ESRRG: variants seen among roughly 807,000 people sequenced by gnomAD.
The protein encoded by ESRRG is estrogen related receptor gamma.
Under a neutral mutation model 44.0 loss-of-function variants are expected in ESRRG, and 13 were observed. The observed-to-expected ratio is 0.30, with a 90% confidence interval of 0.19 to 0.47. The LOEUF (loss-of-function observed/expected upper bound fraction) is 0.47, where lower values mean the gene tolerates loss of function less well. Ranked by LOEUF, ESRRG falls within the 20% of genes least tolerant of loss-of-function variation. The pLI, the probability that ESRRG is intolerant of heterozygous loss-of-function variation, is 1.00. For synonymous variants in ESRRG, 215 were observed against 214.6 expected, an observed-to-expected ratio of 1.00 and a Z score of -0.02; for missense variants, 395 against 580.6, an observed-to-expected ratio of 0.68 and a Z score of 3.29.
At chr1:217,036,841 G>GAAA (rs11387798) in intron 1 of ESRRG, among the ~76,000 whole-genome samples, 5 of 149,038 alleles carry the variant, frequency 3.4e-5, no homozygotes, top group South Asian at 2.1e-4. Context: ...AGAAAGAAAA[G>GAAA]AAAAAAAAAA....
At chr1:217,093,445 G>T (rs1368330439), upstream of ESRRG, among the ~76,000 whole-genome samples, 1 of 149,802 alleles carries the variant, frequency 6.7e-6, no homozygotes. Flanking sequence ...TAATTCCTGT[G>T]TAGAGTTAAA....
chr1:217,046,268 C>T (rs1189354241), intron 1 of ESRRG, among the ~76,000 whole-genome samples: 3 of 152,120 alleles, frequency 2.0e-5, no homozygotes, highest in Admixed American at 6.5e-5. Flanking sequence ...TTTTATATCC[C>T]TATAGCACCT....
intron 1 of ESRRG, among the ~76,000 whole-genome samples, chr1:217,135,175 C>T (rs1407613192): frequency 1.3e-5 from 2 of 152,200 alleles, no homozygotes; most frequent in African/African-American, 4.8e-5. Context: ...CTGGACGCAC[C>T]TCGTCCCCTC....
chr1:217,117,557 C>G (rs146650749), intron 1 of ESRRG, among the ~76,000 whole-genome samples: 1 of 151,962 alleles, frequency 6.6e-6, no homozygotes, highest in Non-Finnish European at 1.5e-5. Context: ...TGCATTCCAG[C>G]CTGGATGACA....
chr1:216,782,617 C>A (rs1285935057), intron 2 of ESRRG, among the ~76,000 whole-genome samples: 2 of 151,984 alleles, frequency 1.3e-5, no homozygotes, highest in Non-Finnish European at 2.9e-5. Context: ...TTAGAAAGAA[C>A]CTTTAATGAA....
intron 2 of ESRRG, among the ~76,000 whole-genome samples, chr1:216,836,358 A>G (rs1252967513): frequency 6.6e-6 from 1 of 152,256 alleles, no homozygotes; most frequent in Non-Finnish European, 1.5e-5. Flanking sequence ...TCAGGACAGG[A>G]AGAATAAGAG....
intron 1 of ESRRG, among the ~76,000 whole-genome samples, chr1:217,120,005 T>C (rs534757193): frequency 2.6e-5 from 4 of 152,238 alleles, no homozygotes; most frequent in Non-Finnish European, 5.9e-5. Context: ...AATAAGTAGA[T>C]GTTGCTCCAT....
chr1:217,097,506 A>G (rs2092440601), intron 1 of ESRRG, among the ~76,000 whole-genome samples: 1 of 152,230 alleles, frequency 6.6e-6, no homozygotes. Context: ...AGAAAATGAC[A>G]GCAGGAGAAG....
intron 2 of ESRRG, among the ~76,000 whole-genome samples, chr1:216,850,276 T>C (rs150338318): frequency 1.3e-5 from 2 of 152,272 alleles, no homozygotes; most frequent in Admixed American, 6.5e-5. Flanking sequence ...GAATTTTTGC[T>C]TTCTACCAAT....
At chr1:217,003,163 AAAT>A (rs931406275) in intron 1 of ESRRG, among the ~76,000 whole-genome samples, 1 of 152,162 alleles carries the variant, frequency 6.6e-6, no homozygotes, top group Non-Finnish European at 1.5e-5. Flanking sequence ...TTGCAAAAAA[AAAT>A]CTTTCATTTG....
chr1:216,854,705 T>A (rs1470276522), intron 2 of ESRRG, among the ~76,000 whole-genome samples: 1 of 152,180 alleles, frequency 6.6e-6, no homozygotes, highest in Non-Finnish European at 1.5e-5. Flanking sequence ...ACCAGAGCTG[T>A]GATATAATTG....
In ESRRG at chr1:216,723,260, G is replaced by A; in HGVS notation, c.40C>T (p.Leu14=). Residue 14 remains leucine, a synonymous_variant, in exon 1 of 7, where the codon CTG becomes TTG. Coordinates refer to ENST00000408911, the MANE Select transcript of ESRRG (RefSeq NM_001438.4). ...GGTACCTACTCTTCCTCGTAGTGCA[G>A]GGAAAAAGATTCAGGAAGGCAAAGT... ...VELCLPESFS[L]HYEEELLCRM... The A allele has an allele frequency of 6.2e-7, 1 of 1,613,796 alleles. No homozygotes were observed. Among genetic ancestry groups the A allele is most frequent in the Non-Finnish European group, 8.5e-7 (1 of 1,179,928 alleles).
At chr1:216,971,400 C>T (rs1248859944) in intron 1 of ESRRG, among the ~76,000 whole-genome samples, 1 of 152,124 alleles carries the variant, frequency 6.6e-6, no homozygotes, top group African/African-American at 2.4e-5. Context: ...AAGAAGTACA[C>T]GTATTGGAAA....
At position 216,802,722 on chromosome 1, in the gene ESRRG, A is replaced by C. The variant is rs150404860; in HGVS notation, c.-13-125231T>G. The stretch of plus-strand genomic sequence containing the variant: ...TGCCCATCCTTTACTACCCCAGTTA[A>C]ATATCCCCCATTTATCAAAATGATG... On this transcript the variant is annotated intron_variant, in intron 2 of 7. Coordinates refer to the ESRRG transcript ENST00000359162. Among the ~76,000 whole-genome samples the C allele has an allele frequency of 4.1e-3, 629 of 152,182 alleles. 5 individuals are homozygous for C. The highest frequency in any genetic ancestry group is 0.014 in the African/African-American group (592 of 41,542).
intron 1 of ESRRG, among the ~76,000 whole-genome samples, chr1:217,103,506 G>C (rs1314571158): frequency 6.6e-6 from 1 of 151,062 alleles, no homozygotes; most frequent in Non-Finnish European, 1.5e-5. Flanking sequence ...ATCAAAAAAA[G>C]GTCAGCCAAG....
At chr1:217,099,408 G>A (rs1013717604) in intron 1 of ESRRG, among the ~76,000 whole-genome samples, 15 of 151,628 alleles carry the variant, frequency 9.9e-5, no homozygotes, top group African/African-American at 2.9e-4. Context: ...TAAAAAGATG[G>A]TTACATTAGA....
chr1:216,719,454 T>G (rs1288322989), intron 1 of ESRRG, among the ~76,000 whole-genome samples: 6 of 151,998 alleles, frequency 3.9e-5, no homozygotes, highest in African/African-American at 1.4e-4. Flanking sequence ...TTGTTATAAA[T>G]TGTAAGATCT....
intron 2 of ESRRG, among the ~76,000 whole-genome samples, chr1:216,817,424 G>A (rs1392357906): frequency 6.6e-6 from 1 of 152,110 alleles, no homozygotes; most frequent in Non-Finnish European, 1.5e-5. Context: ...ATATCTTTCG[G>A]AATTGTAAAA....
intron 5 of ESRRG, among the ~76,000 whole-genome samples, chr1:216,553,589 G>A (rs2056899133): frequency 6.6e-6 from 1 of 152,136 alleles, no homozygotes; most frequent in African/African-American, 2.4e-5. Context: ...GACTAGCAGA[G>A]TTTCAGATTA....
Sources: allele counts gnomAD v4.1 joint callset (sites outside exome capture counted in the v4.1 genomes callset), GRCh38; gene constraint gnomAD v4.1.1; transcripts MANE v1.5; gene names NCBI Gene and HGNC (gene_info 2026-07-23, HGNC 2026-07-21).